Variants in CSMD1 observed in about 807,000 individuals in gnomAD.
CSMD1 encodes CUB and Sushi multiple domains 1.
In CSMD1, 213 loss-of-function variants were observed where a neutral mutation model predicts 417.5. That is an observed-to-expected ratio of 0.51 (90% CI 0.46 to 0.57). CSMD1 has a LOEUF of 0.57. Among genes scored for constraint, CSMD1 ranks in the 20% least tolerant of loss-of-function variants. CSMD1 has a pLI of 0.00. For missense variants in CSMD1, 6,923 were observed against 4,529.7 expected (o/e 1.53, Z -15.17); for synonymous variants, 2,862 against 1,736.8 (o/e 1.65, Z -16.11).
intron 3 of CSMD1, among the ~76,000 whole-genome samples, chr8:4,181,782 C>T (rs375642854): frequency 7.2e-5 from 11 of 152,048 alleles, no homozygotes; most frequent in East Asian, 1.9e-4. Context: ...TACGTATTAA[C>T]GATTTAGGTG....
intron 9 of CSMD1, among the ~76,000 whole-genome samples, chr8:3,584,748 A>G (rs73489507): frequency 1.3e-5 from 2 of 152,198 alleles, no homozygotes; most frequent in East Asian, 3.8e-4. Flanking sequence ...AAAATAATGA[A>G]GCCTATTTCC....
intron 3 of CSMD1, among the ~76,000 whole-genome samples, chr8:4,383,710 C>G (rs1334945959): frequency 6.6e-6 from 1 of 152,070 alleles, no homozygotes; most frequent in East Asian, 1.9e-4. Flanking sequence ...CTAATAAAAA[C>G]CCTGTCCCAT....
intron 69 of CSMD1, among the ~76,000 whole-genome samples, chr8:2,939,365 T>G (rs372397366): frequency 4.5e-4 from 68 of 152,372 alleles, no homozygotes; most frequent in African/African-American, 1.5e-3. Context: ...TTATTTTTTA[T>G]TTTGCCTCTG....
intron 5 of CSMD1, among the ~76,000 whole-genome samples, chr8:3,812,184 A>G (rs1408371187): frequency 1.3e-5 from 2 of 152,212 alleles, no homozygotes; most frequent in African/African-American, 4.8e-5. Context: ...GTTGTTTAAT[A>G]AAAGAGACCA....
chr8:4,150,215 G>C (rs1165609599), intron 3 of CSMD1, among the ~76,000 whole-genome samples: 1 of 152,132 alleles, frequency 6.6e-6, no homozygotes, highest in Non-Finnish European at 1.5e-5. Context: ...ATCGGCCCCA[G>C]GAAAACAGGG....
chr8:4,139,018 ATATG>A (rs1803611931), intron 3 of CSMD1, among the ~76,000 whole-genome samples: 6 of 152,038 alleles, frequency 3.9e-5, no homozygotes, highest in Non-Finnish European at 7.4e-5. Context: ...CAGAAAGGAC[ATATG>A]CTGCATGTTT....
At chr8:3,107,334 G>A (rs749695461) in intron 45 of CSMD1, among the ~76,000 whole-genome samples, 5 of 152,038 alleles carry the variant, frequency 3.3e-5, no homozygotes, top group Non-Finnish European at 5.9e-5. Context: ...CCTTTCAGCC[G>A]CAAATGATTC....
chr8:4,094,143 G>T lies in CSMD1; in HGVS notation c.416-62044C>A, dbSNP rs533314714. ...TGGTGCCTCCGTGTGTGGGGGGGATGAGGGGACACAGCCGTGCACACGAAT... is the reference window on the plus strand; with the variant it reads ...TGGTGCCTCCGTGTGTGGGGGGGATTAGGGGACACAGCCGTGCACACGAAT... On this transcript the variant is annotated intron_variant, in intron 3 of 69. Transcript: ENST00000635120. Among the ~76,000 whole-genome samples, 11 of 152,206 alleles carry T rather than the reference G, an allele frequency of 7.2e-5. No homozygotes were observed. In the South Asian group the frequency reaches 2.1e-3, roughly 29 times the overall value.
intron 3 of CSMD1, among the ~76,000 whole-genome samples, chr8:4,154,694 C>T (rs948904488): frequency 2.0e-5 from 3 of 152,128 alleles, no homozygotes; most frequent in East Asian, 1.9e-4. Flanking sequence ...TCATTAAAAA[C>T]GTACAAGGAA....
At chr8:2,956,002 A>C (rs1802982272) in intron 63 of CSMD1, among the ~76,000 whole-genome samples, 1 of 151,998 alleles carries the variant, frequency 6.6e-6, no homozygotes, top group Admixed American at 6.6e-5. Flanking sequence ...TGACCTCCCA[A>C]AGTACTGGGA....
At chr8:3,967,587 G>C (rs186840625) in intron 5 of CSMD1, among the ~76,000 whole-genome samples, 3 of 152,130 alleles carry the variant, frequency 2.0e-5, no homozygotes, top group Admixed American at 2.0e-4. Flanking sequence ...CCTCTGTGTA[G>C]AGTCAGACGG....
At chr8:3,449,452 T>C (rs1815545460) in intron 12 of CSMD1, among the ~76,000 whole-genome samples, 2 of 152,012 alleles carry the variant, frequency 1.3e-5, no homozygotes, top group African/African-American at 4.8e-5. Context: ...ACTCGGAAAG[T>C]GAATTTTTTC....
intron 1 of CSMD1, chr8:4,788,340 G>A (rs1340871316): frequency 2.0e-6 from 3 of 1,537,770 alleles, no homozygotes; most frequent in South Asian, 2.3e-5. Context: ...TGGGAACACT[G>A]CATATCCAGT....
rs1806187166 is a variant in CSMD1 at position 3,322,045 on chromosome 8, A to C, written c.3632-13542T>G. ...TGTGGAAATGTGTGGTGACGTATTT[A>C]CATAATAAACATTTCCATGGATTAT... On this transcript the variant is annotated intron_variant, in intron 23 of 69. Transcript: ENST00000635120. Among the ~76,000 whole-genome samples, 2 of 152,234 alleles carry C rather than the reference A, an allele frequency of 1.3e-5. 1 individual carries two copies. The highest frequency in any genetic ancestry group is 4.1e-4 in the South Asian group (2 of 4,830).
At chr8:3,282,253 C>A in intron 26 of CSMD1, among the ~76,000 whole-genome samples, 1 of 152,010 alleles carries the variant, frequency 6.6e-6, no homozygotes, top group East Asian at 1.9e-4. Context: ...TTGATTGCAA[C>A]AAATGGACCA....
At chr8:4,874,778 T>C (rs1178224163) in intron 1 of CSMD1, among the ~76,000 whole-genome samples, 3 of 150,856 alleles carry the variant, frequency 2.0e-5, no homozygotes, top group African/African-American at 7.3e-5. Flanking sequence ...CAGAAAGAAA[T>C]AGAGATAGAC....
At chr8:4,521,981 G>C (rs891684741) in intron 2 of CSMD1, among the ~76,000 whole-genome samples, 15 of 152,284 alleles carry the variant, frequency 9.9e-5, no homozygotes, top group East Asian at 3.9e-4. Flanking sequence ...TTGTATCCTA[G>C]TTTTTATTAA....
intron 6 of CSMD1, among the ~76,000 whole-genome samples, chr8:3,710,532 A>C (rs550381841): frequency 6.6e-6 from 1 of 152,214 alleles, no homozygotes; most frequent in African/African-American, 2.4e-5. Context: ...TTAGGTGGAC[A>C]ATTGCCCTTT....
chr8:3,923,296 C>T (rs1383415378), intron 5 of CSMD1, among the ~76,000 whole-genome samples: 2 of 152,120 alleles, frequency 1.3e-5, no homozygotes, highest in South Asian at 4.1e-4. Flanking sequence ...CTGTCCCTTC[C>T]CCATTTGGGG....
Sources: gnomAD v4.1 joint callset for allele counts (sites outside exome capture counted in the v4.1 genomes callset) on GRCh38, gnomAD v4.1.1 for gene constraint, MANE v1.5 for transcripts, NCBI Gene and HGNC (gene_info 2026-07-23, HGNC 2026-07-21) for gene names.